Variants in PRELID2 observed in about 807,000 individuals in gnomAD.
The protein encoded by PRELID2 is PRELI domain containing 2.
A neutral mutation model predicts 28.4 loss-of-function variants in PRELID2; 25 were observed. That is an observed-to-expected ratio of 0.88 (90% CI 0.64 to 1.23). PRELID2 has a LOEUF of 1.23. Among genes scored for constraint, PRELID2 ranks in the 50% most tolerant of loss-of-function variants. The pLI is 0.00. For missense variants in PRELID2, 201 were observed against 214.4 expected, an observed-to-expected ratio of 0.94 and a Z score of 0.39; for synonymous variants, 76 against 71.6, an observed-to-expected ratio of 1.06 and a Z score of -0.31.
At chr5:145,266,646 C>T in the PRELID2 span, among the ~76,000 whole-genome samples, 1 of 152,124 alleles carries the variant, frequency 6.6e-6, no homozygotes, top group East Asian at 1.9e-4. Context: ...CCTTAAAGAA[C>T]TAAAAGTTGC....
chr5:145,299,845 G>A, the PRELID2 span, among the ~76,000 whole-genome samples: 5 of 151,990 alleles, frequency 3.3e-5, no homozygotes, highest in African/African-American at 4.8e-5. Flanking sequence ...TCTATAAAGA[G>A]AAAGGCTCTC....
At chr5:145,563,981 CAA>C (rs1236606897) in intron 1 of PRELID2, among the ~76,000 whole-genome samples, 1 of 152,198 alleles carries the variant, frequency 6.6e-6, no homozygotes, top group Non-Finnish European at 1.5e-5. Context: ...CACCGACTGT[CAA>C]AGTCTTTTCA....
At chr5:145,513,701 A>C (rs950138285) in intron 1 of PRELID2, among the ~76,000 whole-genome samples, 3 of 152,196 alleles carry the variant, frequency 2.0e-5, no homozygotes, top group African/African-American at 7.2e-5. Flanking sequence ...TGTCAGATTT[A>C]CCATGCTTAG....
the PRELID2 span, among the ~76,000 whole-genome samples, chr5:145,286,724 G>GTTTTTTTTT: frequency 8.7e-6 from 1 of 114,446 alleles, no homozygotes. Flanking sequence ...TTGTTTGTTT[G>GTTTTTTTTT]TTTTTTTTTT....
chr5:145,270,813 T>C, the PRELID2 span, among the ~76,000 whole-genome samples: 1 of 152,112 alleles, frequency 6.6e-6, no homozygotes, highest in South Asian at 2.1e-4. Flanking sequence ...AAAATCATGA[T>C]TGTGTGTGAG....
chr5:145,519,059 T>A (rs1423974067), intron 1 of PRELID2, among the ~76,000 whole-genome samples: 5 of 152,202 alleles, frequency 3.3e-5, no homozygotes, highest in African/African-American at 9.6e-5. Context: ...TGGCTTTTCA[T>A]ATCATAACCT....
intron 1 of PRELID2, among the ~76,000 whole-genome samples, chr5:145,499,665 C>T (rs1752341000): frequency 6.6e-6 from 1 of 152,050 alleles, no homozygotes; most frequent in Non-Finnish European, 1.5e-5. Context: ...GTTACTCTGC[C>T]CAGCGATAGA....
At chr5:145,297,856 A>C in the PRELID2 span, among the ~76,000 whole-genome samples, 1 of 151,806 alleles carries the variant, frequency 6.6e-6, no homozygotes, top group African/African-American at 2.4e-5. Flanking sequence ...TCATGAGTGA[A>C]CTCCCATTCA....
the PRELID2 span, among the ~76,000 whole-genome samples, chr5:145,308,944 C>T: frequency 2.4e-3 from 362 of 152,232 alleles, 1 homozygote; most frequent in African/African-American, 8.4e-3. Flanking sequence ...ACTCCATCCT[C>T]GACTCCACTC....
chr5:145,473,057 G>T (rs1752067856), intron 2 of PRELID2: 1 of 152,082 alleles, frequency 6.6e-6, no homozygotes, highest in Non-Finnish European at 1.5e-5. Flanking sequence ...TTCTTTTACT[G>T]TGTGTACCTT....
intron 5 of PRELID2, among the ~76,000 whole-genome samples, chr5:145,768,023 G>A (rs1757873755): frequency 6.6e-6 from 1 of 152,006 alleles, no homozygotes; most frequent in African/African-American, 2.4e-5. Context: ...TCAAGAGATG[G>A]AGACCATCCT....
chr5:145,703,306 G>A (rs1755457233), intron 1 of PRELID2, among the ~76,000 whole-genome samples: 1 of 152,202 alleles, frequency 6.6e-6, no homozygotes, highest in Non-Finnish European at 1.5e-5. Context: ...TGATTCAGCA[G>A]TTTAGACATT....
intron 4 of PRELID2, among the ~76,000 whole-genome samples, chr5:145,813,440 C>CT (rs1754084941): frequency 6.6e-6 from 1 of 152,132 alleles, no homozygotes; most frequent in Non-Finnish European, 1.5e-5. Context: ...AATCAGAAAC[C>CT]TTTTTGTGGC....
intron 5 of PRELID2, among the ~76,000 whole-genome samples, chr5:145,778,530 C>T (rs10038010): frequency 0.059 from 9,046 of 152,274 alleles, 585 homozygotes; most frequent in African/African-American, 0.16. Context: ...GAACTCAGTA[C>T]CCGCCAAGCT....
intron 1 of PRELID2, among the ~76,000 whole-genome samples, chr5:145,748,142 TG>T (rs1294189460): frequency 1.3e-5 from 2 of 152,200 alleles, no homozygotes; most frequent in African/African-American, 4.8e-5. Context: ...AACATAGTAT[TG>T]GAAGTTCTGG....
At chr5:145,413,744 C>T in the PRELID2 span, among the ~76,000 whole-genome samples, 1 of 151,836 alleles carries the variant, frequency 6.6e-6, no homozygotes, top group Non-Finnish European at 1.5e-5. Context: ...CTACTCTCTT[C>T]TTCTATGAGT....
chr5:145,456,190 T>C, the PRELID2 span, among the ~76,000 whole-genome samples: 1 of 152,226 alleles, frequency 6.6e-6, no homozygotes, highest in Non-Finnish European at 1.5e-5. Flanking sequence ...CTAGGCATAC[T>C]GCTTAATTCA....
chr5:145,558,676 C>A (rs62392704), intron 1 of PRELID2, among the ~76,000 whole-genome samples: 1 of 152,182 alleles, frequency 6.6e-6, no homozygotes, highest in African/African-American at 2.4e-5. Flanking sequence ...GTGAATCTGG[C>A]TTTGCAAGAC....
chr5:145,258,051 C>T, the PRELID2 span, among the ~76,000 whole-genome samples: 14 of 152,322 alleles, frequency 9.2e-5, no homozygotes, highest in South Asian at 4.1e-4. Flanking sequence ...TGTAAGGCAA[C>T]TTTTCTTTCT....
Sources: gnomAD v4.1 joint callset for allele counts (sites outside exome capture counted in the v4.1 genomes callset) on GRCh38, gnomAD v4.1.1 for gene constraint, MANE v1.5 for transcripts, NCBI Gene and HGNC (gene_info 2026-07-23, HGNC 2026-07-21) for gene names.